UBE2J2: variants seen among roughly 807,000 people sequenced by gnomAD.
UBE2J2 encodes ubiquitin conjugating enzyme E2 J2, also known as ubiquitin-conjugating enzyme E2 J2.
UBE2J2 carries 5 observed loss-of-function variants against 28.6 expected under a neutral mutation model. The ratio of observed to expected loss-of-function variants is 0.17; its 90% CI spans 0.09 to 0.37. The LOEUF is 0.37. Among genes scored for constraint, UBE2J2 ranks in the 10% least tolerant of loss-of-function variants. The pLI is 1.00. For synonymous variants in UBE2J2, 138 were observed against 139.7 expected (o/e 0.99, Z 0.09); for missense variants, 226 against 338.9 (o/e 0.67, Z 2.62).
chr1:1,267,985 C>T lies in UBE2J2; in HGVS notation c.8G>A (p.Ser3Asn). The T allele has an allele frequency of 6.2e-7, 1 of 1,613,940 alleles. No individual in the cohort carries two copies. Among genetic ancestry groups the T allele is most frequent in the Non-Finnish European group, 8.5e-7 (1 of 1,179,944 alleles). MS[S>N]TSSKRAPTTA... is the part of the protein sequence containing the mutation. ...GGTCGGAGCCCTCTTACTGCTGGTG[C>T]TGCTCATCTGTTAAAAGCAACGTCT... Residue 3 changes from serine to asparagine, a missense_variant, in exon 2 of 7, where the codon AGC (serine) becomes AAC (asparagine). Physicochemically the swap from Ser to Asn is conservative, Grantham distance 46 (BLOSUM62 1). Coordinates refer to ENST00000349431, the MANE Select transcript of UBE2J2 (RefSeq NM_058167.3).
chr1:1,265,646 T>G (rs1639816306), intron 2 of UBE2J2, among the ~76,000 whole-genome samples: 1 of 148,476 alleles, frequency 6.7e-6, no homozygotes, highest in African/African-American at 2.6e-5. Context: ...TGTGTGTGTG[T>G]GTGGTGGAGT....
Position 1,255,505 on chromosome 1 carries a change from AG to A in UBE2J2, c.496-19del, listed in dbSNP as rs757662857. The A allele has an allele frequency of 4.4e-6, 7 of 1,597,856 alleles. No homozygotes were observed. Among genetic ancestry groups the A allele is most frequent in the Middle Eastern group, 1.7e-4 (1 of 6,006 alleles). On this transcript the variant is annotated intron_variant, in intron 6 of 6. Coordinates refer to ENST00000349431, the MANE Select transcript of UBE2J2 (RefSeq NM_058167.3). ...TTAATCTCCTAAGAGAAAAACAGCG[AG>A]AAAAGCAGCTGGTCTCCAACCAGCG...
Position 1,254,928 on chromosome 1 carries a change from A to G in UBE2J2, c.*275T>C. ...AAATGAAAAACGGGTTTACTAAAAC[A>G]GGTCCAAAGACAACACGGAAGATAA... On this transcript the variant is annotated 3_prime_UTR_variant, in exon 7 of 7. Coordinates refer to ENST00000349431, the MANE Select transcript of UBE2J2 (RefSeq NM_058167.3). The G allele has an allele frequency of 2.7e-6, 1 of 376,992 alleles. No individual in the cohort carries two copies. 23.4% of individuals were successfully genotyped at this position (376,992 alleles called of 1,614,324 possible).
Position 1,255,504 on chromosome 1 carries a change from G to C in UBE2J2, c.496-17C>G. 6.3e-7 allele frequency: 1 copy of C among 1,597,554 alleles called. No homozygotes were observed. The highest frequency in any genetic ancestry group is 1.3e-5 in the African/African-American group (1 of 74,318). ...TTTAATCTCCTAAGAGAAAAACAGCGAGAAAAGCAGCTGGTCTCCAACCAG... is the reference window on the plus strand; with the variant it reads ...TTTAATCTCCTAAGAGAAAAACAGCCAGAAAAGCAGCTGGTCTCCAACCAG... On this transcript the variant is annotated splice_polypyrimidine_tract_variant and intron_variant, in intron 6 of 6. Transcript: ENST00000349431.
chr1:1,258,679 C>T (rs945781794), intron 3 of UBE2J2, among the ~76,000 whole-genome samples: 1 of 152,230 alleles, frequency 6.6e-6, no homozygotes, highest in East Asian at 1.9e-4. Flanking sequence ...GACAGAAATC[C>T]GGCCACTTCC....
At position 1,268,709 on chromosome 1, in the gene UBE2J2, T is replaced by A. The variant is rs1640001385; in HGVS notation, c.1-717A>T. 6.6e-6 allele frequency among the ~76,000 whole-genome samples: 1 copy of A among 152,204 alleles called. No individual in the cohort carries two copies. Among genetic ancestry groups the A allele is most frequent in the Non-Finnish European group, 1.5e-5 (1 of 68,036 alleles). On this transcript the variant is annotated intron_variant, in intron 1 of 6. Transcript: ENST00000349431. This position sits in a 1 kb window ranked among gnomAD's most constrained non-coding sequence, Gnocchi z 4.7. ...AGGGCATAAGAGTTTATTTACTTAT[T>A]TTTCGTGAGACAGGGTCTTGCTCTG...
chr1:1,257,432 T>C (rs1307730913), intron 3 of UBE2J2, 122 bp from the exon 4 acceptor site: 8 of 482,468 alleles, frequency 1.7e-5, no homozygotes, highest in Non-Finnish European at 2.8e-5. Context: ...CGAGTCCTCA[T>C]TGCACTCTCC....
chr1:1,256,049 A>T lies in UBE2J2; in HGVS notation c.491T>A (p.Val164Glu), dbSNP rs1639156099. The T allele has an allele frequency of 6.2e-7, 1 of 1,610,458 alleles. No individual in the cohort carries two copies. The highest frequency in any genetic ancestry group is 8.5e-7 in the Non-Finnish European group (1 of 1,176,780). The change falls in exon 6 of 7, where the codon GTG (valine) becomes GAG (glutamate). Residue 164 changes from valine to glutamate, a missense_variant. By Grantham distance (121) the Val-to-Glu change is moderately radical. This residue lies in a region of UBE2J2 where 133 missense variants were observed against 161.5 expected (regional missense o/e 0.82). Transcript: ENST00000349431. The stretch of plus-strand genomic sequence containing the variant: ...ACCCACTTCCGTCTTTCTTACCTCC[A>T]CGACTTCAGGAAATAATTCACAAAA... ...KVFCELFPEV[V>E]EEIKQKQKAQ...
At chr1:1,272,738 G>C (rs1640221199) in intron 1 of UBE2J2, 1 of 176,566 alleles carries the variant, frequency 5.7e-6, no homozygotes, top group African/African-American at 2.4e-5. Context: ...TGCCGAGAGT[G>C]GAACTGCTAA....
intron 3 of UBE2J2, among the ~76,000 whole-genome samples, chr1:1,257,661 G>T (rs1639285174): frequency 6.6e-6 from 1 of 151,368 alleles, no homozygotes; most frequent in East Asian, 1.9e-4. Context: ...GAGCAGAGGG[G>T]TCGGAAGAGG....
chr1:1,273,480 G>A (rs1406790164), intron 1 of UBE2J2, 186 bp downstream of exon 1: 1 of 151,392 alleles, frequency 6.6e-6, no homozygotes, highest in Non-Finnish European at 1.5e-5. Flanking sequence ...CGGAGCTCCG[G>A]GAGCCCGCCG....
At chr1:1,265,275 G>A (rs1232129726) in intron 2 of UBE2J2, among the ~76,000 whole-genome samples, 2 of 152,180 alleles carry the variant, frequency 1.3e-5, no homozygotes, top group Non-Finnish European at 2.9e-5. Context: ...AGGGGCTCTC[G>A]CACTGACGCT....
intron 3 of UBE2J2, among the ~76,000 whole-genome samples, chr1:1,259,714 C>G (rs1639442311): frequency 6.6e-6 from 1 of 152,182 alleles, no homozygotes; most frequent in South Asian, 2.1e-4. Context: ...GTGACCACCC[C>G]CCATGTCCCC....
At position 1,254,164 on chromosome 1, in the gene UBE2J2, A is replaced by G. The variant is rs1014181187; in HGVS notation, c.*1039T>C. The G allele has an allele frequency of 1.3e-5, 2 of 152,252 alleles. No individual in the cohort carries two copies. Among genetic ancestry groups the G allele is most frequent in the East Asian group, 3.9e-4 (2 of 5,168 alleles). 9.4% of individuals were successfully genotyped at this position (152,252 alleles called of 1,614,324 possible). On this transcript the variant is annotated 3_prime_UTR_variant, in exon 7 of 7. Coordinates refer to ENST00000349431, the MANE Select transcript of UBE2J2 (RefSeq NM_058167.3). ...CGAAGTCACGGAACAGACGCAGAAG[A>G]GGGGAGACGGCCGAGACCCGGGGAG... is the stretch of plus-strand genomic sequence containing the variant.
Position 1,255,323 on chromosome 1 carries a change from C to G in UBE2J2, c.660G>C (p.Gln220His), listed in dbSNP as rs1007555985. The G allele has an allele frequency of 1.2e-5, 20 of 1,613,628 alleles. No homozygotes were observed. Among genetic ancestry groups the G allele is most frequent in the Non-Finnish European group, 1.7e-5 (20 of 1,180,022 alleles). ...GGAGTCCGTGGTGCCGGTTGGCCTG[C>G]TGGAGCCCTGCGAGGTTTGGGACGG... ...PGAVPNLAGL[Q>H]QANRHHGLLG... Residue 220 changes from glutamine (Q) to histidine (H), a missense_variant, in exon 7 of 7, where the codon CAG becomes CAC. This residue lies in a region of UBE2J2 where 133 missense variants were observed against 161.5 expected (regional missense o/e 0.82). Transcript: ENST00000349431.
intron 3 of UBE2J2, among the ~76,000 whole-genome samples, chr1:1,259,859 G>A (rs79120659): frequency 6.6e-6 from 1 of 152,186 alleles, no homozygotes; most frequent in Non-Finnish European, 1.5e-5. Flanking sequence ...CCTGTGTGCA[G>A]AACGCCCTGG....
intron 3 of UBE2J2, among the ~76,000 whole-genome samples, chr1:1,262,638 C>T (rs1356028443): frequency 2.6e-5 from 4 of 152,220 alleles, no homozygotes; most frequent in Admixed American, 6.5e-5. Context: ...AACTGCTGAC[C>T]TGGCCCTGCT....
intron 2 of UBE2J2, among the ~76,000 whole-genome samples, chr1:1,266,867 T>C (rs1028766428): frequency 5.3e-5 from 8 of 152,092 alleles, no homozygotes; most frequent in Non-Finnish European, 1.0e-4. Context: ...GATCAAAATA[T>C]AAAACATCCT....
rs60924258 is a variant in UBE2J2 at position 1,271,974 on chromosome 1, C to CAAAAAAAAAAAAAAAAA, written c.-1+1675_-1+1691dup. Among the ~76,000 whole-genome samples the CAAAAAAAAAAAAAAAAA allele has an allele frequency of 6.9e-4, 19 of 27,610 alleles. 2 individuals are homozygous for CAAAAAAAAAAAAAAAAA. Among genetic ancestry groups the CAAAAAAAAAAAAAAAAA allele is most frequent in the East Asian group, 5.9e-3 (3 of 506 alleles). 18.1% of individuals were successfully genotyped at this position (27,610 alleles called of 152,430 possible). ...GGGCAACAAGAGCGAAACTCCGTCT[C>CAAAAAAAAAAAAAAAAA]AAAAAAAAAAAAAAAAAAAAAAAAA... On this transcript the variant is annotated intron_variant, in intron 1 of 6. Transcript: ENST00000349431.
Sources: gnomAD v4.1 joint callset for allele counts (sites outside exome capture counted in the v4.1 genomes callset) on GRCh38, gnomAD v4.1.1 for gene constraint, gnomAD v4.1.1 regional missense constraint, Gnocchi (gnomAD v3.1) non-coding constraint, MANE v1.5 for transcripts, NCBI Gene and HGNC (gene_info 2026-07-23, HGNC 2026-07-21) for gene names.